RBL1: variants seen among roughly 807,000 people sequenced by gnomAD.
RBL1 encodes the protein retinoblastoma-like protein 1.
A neutral mutation model predicts 123.0 loss-of-function variants in RBL1; 82 were observed. The ratio of observed to expected loss-of-function variants is 0.67; its 90% CI spans 0.56 to 0.80. The LOEUF is 0.80. Among genes scored for constraint, RBL1 ranks in the 30% least tolerant of loss-of-function variants. The probability of loss-of-function intolerance (pLI) is 0.00; values close to 1 mark genes in which losing one functional copy is unlikely to be tolerated. For missense variants in RBL1, 1,171 were observed against 1,299.6 expected, an observed-to-expected ratio of 0.90 and a Z score of 1.52; for synonymous variants, 405 against 441.3, an observed-to-expected ratio of 0.92 and a Z score of 1.03.
intron 20 of RBL1, among the ~76,000 whole-genome samples, chr20:37,005,059 T>A (rs1186344213): frequency 1.3e-5 from 2 of 151,850 alleles, no homozygotes; most frequent in African/African-American, 4.8e-5. Context: ...AAAAAAATTC[T>A]GGACAAGACA....
chr20:37,062,133 A>G lies in RBL1; in HGVS notation c.1034T>C (p.Leu345Pro). Residue 345 changes from leucine to proline, a missense_variant, in exon 8 of 22, where the codon CTG becomes CCG. By Grantham distance (98) the Leu-to-Pro change is moderately conservative (BLOSUM62 -3). Coordinates refer to ENST00000373664, the MANE Select transcript of RBL1 (RefSeq NM_002895.5). ...KFTRDTPLGK[L>P]TAQANVEYNL... ...ATACTCCACATTAGCCTGTGCTGTC[A>G]GTTTCCCTAATGGGGTGTCACGAGT... is the stretch of plus-strand genomic sequence containing the variant. The G allele has an allele frequency of 1.9e-6, 3 of 1,614,182 alleles. No homozygotes were observed. Among genetic ancestry groups the G allele is most frequent in the Non-Finnish European group, 2.5e-6 (3 of 1,180,030 alleles).
At chr20:37,028,326 C>G (rs981856236) in intron 16 of RBL1, among the ~76,000 whole-genome samples, 2 of 152,120 alleles carry the variant, frequency 1.3e-5, no homozygotes, top group African/African-American at 2.4e-5. Context: ...GATCACGCTA[C>G]TGCATTCCAG....
At chr20:37,053,676 C>A (rs1453581842) in intron 11 of RBL1, among the ~76,000 whole-genome samples, 7 of 152,160 alleles carry the variant, frequency 4.6e-5, no homozygotes, top group Non-Finnish European at 8.8e-5. Context: ...AGAACTTAAA[C>A]TCCTGTTTAT....
chr20:37,072,282 A>G (rs867625861), intron 2 of RBL1, among the ~76,000 whole-genome samples: 14 of 152,312 alleles, frequency 9.2e-5, no homozygotes, highest in Middle Eastern at 3.4e-3. Flanking sequence ...CAGCCTGACC[A>G]ACATGGAGAA....
chr20:37,018,207 T>G, intron 19 of RBL1, 72 bp downstream of exon 19: 1 of 1,410,714 alleles, frequency 7.1e-7, no homozygotes, highest in Non-Finnish European at 9.3e-7. Flanking sequence ...CCATGTTGTC[T>G]GACACCCACT....
At chr20:37,078,240 A>C (rs2065395496) in intron 2 of RBL1, among the ~76,000 whole-genome samples, 1 of 152,136 alleles carries the variant, frequency 6.6e-6, no homozygotes, top group Admixed American at 6.6e-5. Flanking sequence ...TTCCATTTCA[A>C]AGTTTCTATT....
At chr20:37,014,465 T>C (rs1359097889) in intron 19 of RBL1, among the ~76,000 whole-genome samples, 1 of 152,154 alleles carries the variant, frequency 6.6e-6, no homozygotes, top group Admixed American at 6.6e-5. Context: ...TCTGTAACAA[T>C]GGTTGTTTGC....
At chr20:37,044,987 G>A (rs2064794696) in intron 12 of RBL1, among the ~76,000 whole-genome samples, 1 of 151,602 alleles carries the variant, frequency 6.6e-6, no homozygotes, top group Non-Finnish European at 1.5e-5. Context: ...ATTTTATAAG[G>A]GAAGTATCTA....
In RBL1 at chr20:36,997,901, G is replaced by A. The variant is rs1318792201; in HGVS notation, c.*858C>T. 1 of 151,974 alleles carries A rather than the reference G, an allele frequency of 6.6e-6. No homozygotes were observed. The highest frequency in any genetic ancestry group is 1.9e-4 in the East Asian group (1 of 5,160). The allele number at this position is 151,974 out of a possible 1,614,324, so 9.4% of individuals were successfully genotyped here. On this transcript the variant is annotated 3_prime_UTR_variant, in exon 22 of 22. Transcript: ENST00000373664. Reference sequence around the variant, plus strand: ...GCTCAGGTACAAATCTGTTTATAAAGCTCAAGGAGAGAAAAGGCACGAGAA... The same window carrying A: ...GCTCAGGTACAAATCTGTTTATAAAACTCAAGGAGAGAAAAGGCACGAGAA...
chr20:37,018,445 A>G (rs2146223099), intron 18 of RBL1, 76 bp from the exon 19 acceptor site: 1 of 1,500,936 alleles, frequency 6.7e-7, no homozygotes, highest in East Asian at 2.4e-5. Context: ...TGAGAAGAGC[A>G]AAATATCAAA....
intron 16 of RBL1, among the ~76,000 whole-genome samples, chr20:37,027,010 C>CAAAAAAA (rs1568835793): frequency 2.7e-5 from 4 of 149,066 alleles, no homozygotes; most frequent in African/African-American, 5.0e-5. Context: ...TAAAAAAAAA[C>CAAAAAAA]AACAAAAAAA....
chr20:37,002,318 C>T (rs1249512695), intron 21 of RBL1, among the ~76,000 whole-genome samples: 2 of 144,672 alleles, frequency 1.4e-5, no homozygotes, highest in African/African-American at 2.5e-5. Flanking sequence ...GTGTGAGCCA[C>T]CGTGCCTAGC....
chr20:37,068,830 G>T (rs2065226270), intron 2 of RBL1, among the ~76,000 whole-genome samples: 1 of 152,102 alleles, frequency 6.6e-6, no homozygotes, highest in African/African-American at 2.4e-5. Context: ...ACAAAATTAG[G>T]AGCTCTCCCT....
At chr20:37,038,553 C>T (rs1205325083) in intron 14 of RBL1, among the ~76,000 whole-genome samples, 1 of 150,764 alleles carries the variant, frequency 6.6e-6, no homozygotes, top group African/African-American at 2.4e-5. Context: ...CCTGCCTCAG[C>T]CTCCCAAAGT....
intron 13 of RBL1, among the ~76,000 whole-genome samples, chr20:37,042,140 T>TTTATCTGA (rs2064740170): frequency 6.7e-6 from 1 of 150,368 alleles, no homozygotes; most frequent in African/African-American, 2.4e-5. Flanking sequence ...TTGCAAATCA[T>TTTATCTGA]TTATCTGATA....
chr20:37,083,105 A>G (rs1480445825), intron 2 of RBL1, among the ~76,000 whole-genome samples: 1 of 152,176 alleles, frequency 6.6e-6, no homozygotes, highest in African/African-American at 2.4e-5. Context: ...ATTTTTGTTT[A>G]TTTCTCTGAA....
In RBL1 at chr20:37,013,287, AC is replaced by A. The variant is rs1051793055; in HGVS notation, c.2722+4991del. 4.6e-5 allele frequency among the ~76,000 whole-genome samples: 7 copies of A among 151,352 alleles called. 1 individual carries two copies. In the South Asian group the frequency reaches 1.5e-3, roughly 32 times the overall value. ...TGGGATCCTGTTGATCTGTGACCTT[AC>A]CCCCAACCCTGTGCTCTCTGAAACA... On this transcript the variant is annotated intron_variant, in intron 19 of 21. Transcript: ENST00000373664.
At chr20:37,054,254 G>A (rs1016016253) in intron 11 of RBL1, among the ~76,000 whole-genome samples, 3 of 152,140 alleles carry the variant, frequency 2.0e-5, no homozygotes, top group Admixed American at 6.6e-5. Context: ...GGAGGCTAAG[G>A]CAGGTGGATC....
intron 11 of RBL1, among the ~76,000 whole-genome samples, chr20:37,050,435 C>T (rs976792769): frequency 3.4e-5 from 5 of 146,138 alleles, no homozygotes; most frequent in Non-Finnish European, 7.4e-5. Context: ...GTACCAGCTA[C>T]TTGGGAGGCT....
Sources: gnomAD v4.1 joint callset for allele counts (sites outside exome capture counted in the v4.1 genomes callset) on GRCh38, gnomAD v4.1.1 for gene constraint, MANE v1.5 for transcripts, NCBI Gene and HGNC (gene_info 2026-07-23, HGNC 2026-07-21) for gene names.